Variants in NAAA observed in about 807,000 individuals in gnomAD.
NAAA encodes the protein N-acylethanolamine acid amidase, also known as N-acylethanolamine-hydrolyzing acid amidase.
A neutral mutation model predicts 44.8 loss-of-function variants in NAAA; 39 were observed. That is an observed-to-expected ratio of 0.87 (90% CI 0.67 to 1.14). The LOEUF is 1.14. Ranked by LOEUF, NAAA falls within the 50% of genes most tolerant of loss-of-function variation. NAAA has a pLI of 0.00. For synonymous variants in NAAA, 178 were observed against 191.3 expected, an observed-to-expected ratio of 0.93 and a Z score of 0.58; for missense variants, 460 against 467.8, an observed-to-expected ratio of 0.98 and a Z score of 0.15.
chr4:75,929,259 A>C (rs1466748310), intron 4 of NAAA, among the ~76,000 whole-genome samples: 1 of 152,166 alleles, frequency 6.6e-6, no homozygotes, highest in Admixed American at 6.5e-5. Flanking sequence ...TGTGGCATTC[A>C]TTAGTCCTCC....
At chr4:75,915,015 C>T in intron 9 of NAAA, 30 bp from the exon 10 acceptor site, 1 of 1,493,822 alleles carries the variant, frequency 6.7e-7, no homozygotes, top group Non-Finnish European at 9.3e-7. Flanking sequence ...TTTATGTACA[C>T]ATCATTTTCT....
intron 2 of NAAA, among the ~76,000 whole-genome samples, chr4:75,937,484 C>T (rs1018009338): frequency 1.1e-5 from 1 of 93,798 alleles, no homozygotes; most frequent in African/African-American, 4.1e-5. Flanking sequence ...TCCAAGGTTT[C>T]TGTTATTTAT....
chr4:75,915,557 C>T (rs964308396), intron 9 of NAAA, among the ~76,000 whole-genome samples: 2 of 152,174 alleles, frequency 1.3e-5, no homozygotes, highest in African/African-American at 2.4e-5. Context: ...AGGAGAATAT[C>T]ACCCAGGGAA....
chr4:75,933,994 C>T (rs574689957), intron 3 of NAAA, among the ~76,000 whole-genome samples: 2 of 151,556 alleles, frequency 1.3e-5, no homozygotes, highest in East Asian at 2.0e-4. Context: ...CGCGCCACTG[C>T]ACTCCAGCCT....
chr4:75,940,887 G>C lies in NAAA; in HGVS notation c.63C>G (p.Ala21=), dbSNP rs960818279. 3.9e-6 allele frequency: 6 copies of C among 1,554,574 alleles called. No individual in the cohort carries two copies. In the African/African-American group the frequency reaches 8.4e-5, roughly 22 times the overall value. The change falls in exon 1 of 11, where the codon GCC becomes GCG. Residue 21 remains alanine (A), a synonymous_variant. Coordinates refer to ENST00000286733, the MANE Select transcript of NAAA (RefSeq NM_014435.4). ...GCGAGGCGGCTGACAGCCCGGCCCC[G>C]GCCAGCAGCAGCAGCAGCAGGGACG... ...GLPSLLLLLL[A]GAGLSAASPP... is the part of the protein sequence containing the mutation.
At chr4:75,928,538 T>C (rs1726940779) in intron 4 of NAAA, among the ~76,000 whole-genome samples, 1 of 151,892 alleles carries the variant, frequency 6.6e-6, no homozygotes, top group South Asian at 2.1e-4. Flanking sequence ...GAGGCAGAGT[T>C]GGGTAGAAAA....
chr4:75,917,034 C>A (rs1168585354), intron 9 of NAAA: 1 of 816,082 alleles, frequency 1.2e-6, no homozygotes, highest in Non-Finnish European at 1.5e-6. Flanking sequence ...CCCGCCTCGG[C>A]TTCCAAAGTA....
chr4:75,925,876 G>A lies in NAAA; in HGVS notation c.590-65C>T. 2.7e-6 allele frequency: 4 copies of A among 1,464,036 alleles called. No individual in the cohort carries two copies. In the South Asian group the frequency reaches 3.5e-5, roughly 13 times the overall value. The allele number at this position is 1,464,036 out of a possible 1,614,324, so 90.7% of individuals were successfully genotyped here. On this transcript the variant is annotated intron_variant, in intron 4 of 10. Coordinates refer to ENST00000286733, the MANE Select transcript of NAAA (RefSeq NM_014435.4). ...ATATGTACACACATGAAACAGATAT[G>A]TTATTTTAGCAAGGAAATATAGAGA...
chr4:75,939,941 A>AT, intron 2 of NAAA, 60 bp downstream of exon 2: 1 of 1,582,666 alleles, frequency 6.3e-7, no homozygotes, highest in Non-Finnish European at 8.7e-7. Context: ...TCCTCCCGCT[A>AT]GTCTGTGTCG....
At chr4:75,912,765 C>A (rs1340461073), downstream of NAAA, among the ~76,000 whole-genome samples, 2 of 149,410 alleles carry the variant, frequency 1.3e-5, no homozygotes, top group African/African-American at 5.1e-5. Context: ...TGGAACAAGA[C>A]CCTGTCTCAA....
intron 9 of NAAA, chr4:75,917,774 C>T (rs1448321985): frequency 5.5e-6 from 2 of 365,632 alleles, no homozygotes; most frequent in Middle Eastern, 3.8e-4. Flanking sequence ...CCTGCTTTCA[C>T]TTAAAAAAAA....
chr4:75,927,322 G>A (rs563804004), intron 4 of NAAA, among the ~76,000 whole-genome samples: 26 of 152,048 alleles, frequency 1.7e-4, no homozygotes, highest in Non-Finnish European at 3.5e-4. Flanking sequence ...GCACATGCCT[G>A]TAGTCCCAGC....
chr4:75,931,228 G>A lies in NAAA; in HGVS notation c.575C>T (p.Ser192Phe), dbSNP rs1384472829. ...TGQSPHKFTV[S>F]GDERDKGWWW... ...GTTTTGATTACCTCGTTCATCACCA[G>A]AAACTGTAAACTTGTGTGGGCTCTG... Residue 192 changes from serine (S) to phenylalanine (F), a missense_variant, in exon 4 of 11, where the codon TCT becomes TTT. Coordinates refer to ENST00000286733, the MANE Select transcript of NAAA (RefSeq NM_014435.4). 4 of 1,612,194 alleles carry A rather than the reference G, an allele frequency of 2.5e-6. No individual in the cohort carries two copies. The highest frequency in any genetic ancestry group is 1.3e-5 in the African/African-American group (1 of 74,904).
intron 4 of NAAA, among the ~76,000 whole-genome samples, chr4:75,926,429 C>T (rs888863979): frequency 2.6e-5 from 4 of 151,640 alleles, no homozygotes; most frequent in African/African-American, 9.7e-5. Flanking sequence ...AGCATGGTGG[C>T]GGGCACCTGT....
chr4:75,937,061 G>A (rs1024865339), intron 2 of NAAA, among the ~76,000 whole-genome samples: 3 of 152,066 alleles, frequency 2.0e-5, no homozygotes, highest in Non-Finnish European at 2.9e-5. Flanking sequence ...TTTCTACAAC[G>A]ATTACATGTT....
Position 75,919,963 on chromosome 4 carries a change from G to A in NAAA, c.915C>T (p.Ile305=). 1 of 1,613,958 alleles carries A rather than the reference G, an allele frequency of 6.2e-7. No homozygotes were observed. Among genetic ancestry groups the A allele is most frequent in the Non-Finnish European group, 8.5e-7 (1 of 1,179,886 alleles). ...CTTGTCCTGTAGCATTAAGGGCCTT[G>A]ATGGCAGATGTTCTGTAAGGACAAA... ...PKEDDRRTSA[I]KALNATGQAN... The change falls in exon 8 of 11, where the codon ATC becomes ATT. Residue 305 remains isoleucine, a synonymous_variant. Transcript: ENST00000286733.
intron 4 of NAAA, among the ~76,000 whole-genome samples, chr4:75,926,518 G>T (rs2149263872): frequency 7.4e-6 from 1 of 134,910 alleles, no homozygotes; most frequent in South Asian, 2.4e-4. Flanking sequence ...CCAAGATCAG[G>T]CCACTGCACT....
intron 3 of NAAA, among the ~76,000 whole-genome samples, 169 bp from the exon 4 acceptor site, chr4:75,931,473 T>C (rs1727226451): frequency 6.6e-6 from 1 of 151,656 alleles, no homozygotes; most frequent in Admixed American, 6.6e-5. Context: ...TAAGCTGGGG[T>C]GGGTGGGGGT....
intron 5 of NAAA, among the ~76,000 whole-genome samples, chr4:75,925,202 A>AT (rs529483243): frequency 5.6e-4 from 85 of 152,072 alleles, no homozygotes; most frequent in Non-Finnish European, 1.0e-3. Context: ...CACCCAGCTA[A>AT]TTTTTTGTAT....
Sources: gnomAD v4.1 joint callset for allele counts (sites outside exome capture counted in the v4.1 genomes callset) on GRCh38, gnomAD v4.1.1 for gene constraint, MANE v1.5 for transcripts, NCBI Gene and HGNC (gene_info 2026-07-23, HGNC 2026-07-21) for gene names.